Variants in ACMSD observed in about 807,000 individuals in gnomAD.
The protein encoded by ACMSD is aminocarboxymuconate semialdehyde decarboxylase.
Under a neutral mutation model 45.9 loss-of-function variants are expected in ACMSD, and 37 were observed. The ratio of observed to expected loss-of-function variants is 0.81; its 90% CI spans 0.62 to 1.06. ACMSD has a LOEUF of 1.06. Among genes scored for constraint, ACMSD ranks in the 50% least tolerant of loss-of-function variants. The pLI is 0.00. For missense variants in ACMSD, 434 were observed against 420.9 expected, an observed-to-expected ratio of 1.03 and a Z score of -0.27; for synonymous variants, 138 against 148.8, an observed-to-expected ratio of 0.93 and a Z score of 0.53.
intron 2 of ACMSD, among the ~76,000 whole-genome samples, chr2:134,858,093 T>C (rs1264773593): frequency 2.0e-5 from 3 of 152,060 alleles, no homozygotes; most frequent in African/African-American, 7.2e-5. Flanking sequence ...ATGTTCAATG[T>C]AGCATCATTC....
At chr2:134,894,082 A>T (rs1385717240) in intron 8 of ACMSD, among the ~76,000 whole-genome samples, 1 of 152,114 alleles carries the variant, frequency 6.6e-6, no homozygotes, top group Admixed American at 6.6e-5. Flanking sequence ...AGAGTAAACT[A>T]AATCCCAAGC....
At chr2:134,869,491 G>C (rs1688311685) in intron 6 of ACMSD, among the ~76,000 whole-genome samples, 1 of 152,086 alleles carries the variant, frequency 6.6e-6, no homozygotes, top group South Asian at 2.1e-4. Flanking sequence ...GGGATTACAG[G>C]AGTGAACCAC....
intron 8 of ACMSD, among the ~76,000 whole-genome samples, chr2:134,898,005 G>C (rs1369009840): frequency 6.7e-6 from 1 of 150,350 alleles, no homozygotes; most frequent in Admixed American, 6.6e-5. Flanking sequence ...AAGAAAGACA[G>C]AATCCCTTAA....
intron 2 of ACMSD, among the ~76,000 whole-genome samples, chr2:134,849,525 C>T (rs116179851): frequency 0.014 from 2,192 of 152,296 alleles, 30 homozygotes; most frequent in Middle Eastern, 0.034. Context: ...ATAATTCTTA[C>T]TCTCCTATGT....
At chr2:134,867,492 G>GAGAAAAGCAGTTTCCCCAAAAC (rs1221018003) in intron 5 of ACMSD, 87 bp from the exon 6 acceptor site, 2 of 1,014,154 alleles carry the variant, frequency 2.0e-6, no homozygotes, top group Admixed American at 1.8e-5. Context: ...TATAGACTCA[G>GAGAAAAGCAGTTTCCCCAAAAC]AGAAAAGCAG....
chr2:134,868,094 A>G (rs1302764748), intron 6 of ACMSD, among the ~76,000 whole-genome samples: 2 of 152,138 alleles, frequency 1.3e-5, no homozygotes, highest in Non-Finnish European at 2.9e-5. Context: ...CTGTCTAGTA[A>G]ATTTTTTAGA....
chr2:134,886,248 T>TATTATTATTATTA (rs201281072), intron 8 of ACMSD, among the ~76,000 whole-genome samples: 5 of 118,754 alleles, frequency 4.2e-5, no homozygotes, highest in Middle Eastern at 3.9e-3. Flanking sequence ...TTATTATTAT[T>TATTATTATTATTA]TTTTTTTTTT....
At chr2:134,875,929 A>C (rs756916232) in intron 8 of ACMSD, among the ~76,000 whole-genome samples, 2 of 152,226 alleles carry the variant, frequency 1.3e-5, no homozygotes, top group Non-Finnish European at 2.9e-5. Flanking sequence ...CTACACACCT[A>C]AACTATATGG....
intron 2 of ACMSD, among the ~76,000 whole-genome samples, chr2:134,854,530 T>A (rs1687491149): frequency 6.6e-6 from 1 of 152,228 alleles, no homozygotes; most frequent in Non-Finnish European, 1.5e-5. Context: ...TCCAGTCATG[T>A]TCAACATCTT....
intron 8 of ACMSD, among the ~76,000 whole-genome samples, chr2:134,887,253 T>C (rs1213714982): frequency 6.6e-6 from 1 of 152,016 alleles, no homozygotes; most frequent in African/African-American, 2.4e-5. Flanking sequence ...GCCAAAATAA[T>C]CTTGAAAAAG....
intron 8 of ACMSD, among the ~76,000 whole-genome samples, chr2:134,886,249 T>TTATTATTA (rs1689450350): frequency 9.1e-6 from 1 of 109,768 alleles, no homozygotes; most frequent in African/African-American, 3.9e-5. Flanking sequence ...TATTATTATT[T>TTATTATTA]TTTTTTTTTT....
rs1690504935 is a variant in ACMSD, at chr2:134,901,600, A to G, written c.949-198A>G. 2.0e-5 allele frequency among the ~76,000 whole-genome samples: 3 copies of G among 151,976 alleles called. No individual in the cohort carries two copies. In the South Asian group the frequency reaches 6.2e-4, roughly 32 times the overall value. The stretch of plus-strand genomic sequence containing the variant: ...TATAAGTCTCTTCTCTCCCCCTACA[A>G]TCAAGTTTCAGATTTAGATTTCAAA... On this transcript the variant is annotated intron_variant, in intron 9 of 9. Coordinates refer to ENST00000356140, the MANE Select transcript of ACMSD (RefSeq NM_138326.3).
At chr2:134,872,702 T>C in intron 8 of ACMSD, 61 bp downstream of exon 8, 4 of 1,581,676 alleles carry the variant, frequency 2.5e-6, no homozygotes, top group Non-Finnish European at 3.5e-6. Flanking sequence ...CAGCAACCCA[T>C]TCTCTCTCCT....
intron 7 of ACMSD, among the ~76,000 whole-genome samples, chr2:134,871,678 G>GAC (rs368267244): frequency 0.21 from 28,768 of 136,958 alleles, 3,097 homozygotes; most frequent in Middle Eastern, 0.42. Context: ...CCCTTCAACA[G>GAC]ACAGACACAC....
At chr2:134,858,562 A>G (rs1484051798) in intron 2 of ACMSD, among the ~76,000 whole-genome samples, 1 of 152,250 alleles carries the variant, frequency 6.6e-6, no homozygotes, top group East Asian at 1.9e-4. Context: ...TGGACATTTT[A>G]ATTAGCTTGA....
chr2:134,882,519 T>C (rs536134747), intron 8 of ACMSD, among the ~76,000 whole-genome samples: 1 of 152,326 alleles, frequency 6.6e-6, no homozygotes, highest in South Asian at 2.1e-4. Flanking sequence ...ACTTTACAAA[T>C]AGTAGGTGTT....
At chr2:134,892,251 A>G (rs897756060) in intron 8 of ACMSD, among the ~76,000 whole-genome samples, 1 of 152,034 alleles carries the variant, frequency 6.6e-6, no homozygotes, top group African/African-American at 2.4e-5. Flanking sequence ...ATCGGGTATA[A>G]CTGGAAAACA....
chr2:134,855,629 T>A (rs1440025861), intron 2 of ACMSD, among the ~76,000 whole-genome samples: 1 of 152,208 alleles, frequency 6.6e-6, no homozygotes, highest in African/African-American at 2.4e-5. Context: ...AATCTTGGTG[T>A]CCTGATGTCA....
At chr2:134,842,169 C>T (rs1530555) in intron 1 of ACMSD, among the ~76,000 whole-genome samples, 80,239 of 151,604 alleles carry the variant, frequency 0.53, 22,513 homozygotes, top group East Asian at 0.89. Context: ...AGATGCTTCC[C>T]GGCATATGCT....
Sources: gnomAD v4.1 joint callset for allele counts (sites outside exome capture counted in the v4.1 genomes callset) on GRCh38, gnomAD v4.1.1 for gene constraint, MANE v1.5 for transcripts, NCBI Gene and HGNC (gene_info 2026-07-23, HGNC 2026-07-21) for gene names.